The following DCDC1 variants were observed in gnomAD, a reference collection of about 807,000 sequenced individuals.
DCDC1 encodes doublecortin domain-containing protein 1.
DCDC1 carries 200 observed loss-of-function variants against 178.3 expected under a neutral mutation model. The ratio of observed to expected loss-of-function variants is 1.12; its 90% CI spans 1.00 to 1.26. The LOEUF (loss-of-function observed/expected upper bound fraction) is 1.26, where lower values mean the gene tolerates loss of function less well. Among genes scored for constraint, DCDC1 ranks in the 50% most tolerant of loss-of-function variants. The pLI is 0.00. For synonymous variants in DCDC1, 690 were observed against 604.8 expected (o/e 1.14, Z -2.07); for missense variants, 1,983 against 1,749.2 (o/e 1.13, Z -2.38).
At chr11:31,097,567 C>A (rs1235853890) in intron 15 of DCDC1, among the ~76,000 whole-genome samples, 2 of 152,128 alleles carry the variant, frequency 1.3e-5, no homozygotes, top group African/African-American at 4.8e-5. Flanking sequence ...TTATAGCTGA[C>A]CAGTCCACCT....
At chr11:31,059,896 A>G (rs1024043133) in intron 20 of DCDC1, among the ~76,000 whole-genome samples, 1 of 152,082 alleles carries the variant, frequency 6.6e-6, no homozygotes, top group African/African-American at 2.4e-5. Flanking sequence ...GGGTTTTTAC[A>G]ATTTATAATT....
Position 31,283,365 on chromosome 11 carries a change from G to GT in DCDC1, c.960+7281dup, listed in dbSNP as rs71060484. Among the ~76,000 whole-genome samples, 492 of 147,752 alleles carry GT rather than the reference G, an allele frequency of 3.3e-3. 8 individuals are homozygous for GT. The highest frequency in any genetic ancestry group is 0.011 in the African/African-American group (450 of 40,224). On this transcript the variant is annotated intron_variant, in intron 7 of 38. Transcript: ENST00000684477. ...ATATCTAACCTGCTGTTAAACCCAGGTTTTTTTTTTTGTTTTTTGTTTTTT... is the reference window on the plus strand; with the variant it reads ...ATATCTAACCTGCTGTTAAACCCAGGTTTTTTTTTTTTGTTTTTTGTTTTTT...
intron 6 of DCDC1, among the ~76,000 whole-genome samples, chr11:31,302,892 A>C (rs1467959187): frequency 6.6e-6 from 1 of 152,246 alleles, no homozygotes; most frequent in Non-Finnish European, 1.5e-5. Flanking sequence ...AAACCACTGA[A>C]GTATAGATAT....
At chr11:31,007,546 G>GGATGTCACTAAAGAGGAGAA (rs1951921204) in intron 20 of DCDC1, among the ~76,000 whole-genome samples, 1 of 152,168 alleles carries the variant, frequency 6.6e-6, no homozygotes, top group Non-Finnish European at 1.5e-5. Context: ...TAAGAGGTTA[G>GGATGTCACTAAAGAGGAGAA]GATGTCACTA....
intron 20 of DCDC1, among the ~76,000 whole-genome samples, chr11:31,020,871 C>T (rs1952829417): frequency 1.3e-5 from 2 of 152,144 alleles, no homozygotes; most frequent in South Asian, 4.1e-4. Flanking sequence ...TAACTCAAAT[C>T]ACAAAGGGGT....
chr11:30,888,672 G>A (rs78376505), intron 36 of DCDC1, among the ~76,000 whole-genome samples: 2,210 of 152,082 alleles, frequency 0.015, 54 homozygotes, highest in African/African-American at 0.051. Flanking sequence ...AGCTAAGATA[G>A]CGCCATTGCA....
intron 18 of DCDC1, among the ~76,000 whole-genome samples, chr11:31,072,079 AAT>A (rs1436121634): frequency 6.6e-6 from 1 of 152,214 alleles, no homozygotes; most frequent in Admixed American, 6.5e-5. Flanking sequence ...TGATACATAA[AAT>A]GAGTGTGTTA....
chr11:31,037,767 T>G (rs1954164068), intron 20 of DCDC1, among the ~76,000 whole-genome samples: 2 of 152,040 alleles, frequency 1.3e-5, no homozygotes, highest in Non-Finnish European at 2.9e-5. Flanking sequence ...CTGGCCTAAA[T>G]ATTTATTTCT....
At chr11:30,994,661 T>TTATATAA (rs1407459963) in intron 20 of DCDC1, among the ~76,000 whole-genome samples, 3 of 145,322 alleles carry the variant, frequency 2.1e-5, no homozygotes, top group South Asian at 4.2e-4. Context: ...TAACATATTA[T>TTATATAA]TATATAATAT....
chr11:31,085,247 G>A (rs1359519149), intron 17 of DCDC1, among the ~76,000 whole-genome samples: 4 of 151,328 alleles, frequency 2.6e-5, no homozygotes, highest in Non-Finnish European at 4.4e-5. Context: ...ATATTCAAAG[G>A]GTAAAATTTG....
Position 30,916,989 on chromosome 11 carries a change from A to G in DCDC1, c.3333T>C (p.Cys1111=), listed in dbSNP as rs1565071572. The stretch of plus-strand genomic sequence containing the variant: ...GCCAGGCATACCTGGGAAGTGTGTG[A>G]CAAGCCTTCATTCGAAGATGAGCTC... ...HVRAHLRMKA[C]HTLPRYAWQE... The change falls in exon 26 of 39, where the codon TGT becomes TGC. Residue 1111 remains cysteine (C), a synonymous_variant. Transcript: ENST00000684477. 6.2e-7 allele frequency: 1 copy of G among 1,609,928 alleles called. No homozygotes were observed. Among genetic ancestry groups the G allele is most frequent in the Non-Finnish European group, 8.5e-7 (1 of 1,178,122 alleles).
chr11:30,930,344 C>T (rs1041742311), intron 22 of DCDC1, among the ~76,000 whole-genome samples: 8 of 152,128 alleles, frequency 5.3e-5, no homozygotes, highest in African/African-American at 1.7e-4. Flanking sequence ...CCAGTACTTA[C>T]ATCCAGCTCT....
At chr11:31,351,113 T>C (rs1222385423) in intron 1 of DCDC1, among the ~76,000 whole-genome samples, 2 of 152,088 alleles carry the variant, frequency 1.3e-5, no homozygotes, top group East Asian at 1.9e-4. Flanking sequence ...TCTGATTTTT[T>C]ATAACAAGGA....
intron 3 of DCDC1, among the ~76,000 whole-genome samples, chr11:31,327,193 A>T (rs1235803604): frequency 6.6e-6 from 1 of 152,086 alleles, no homozygotes; most frequent in African/African-American, 2.4e-5. Flanking sequence ...TTTTAGACAG[A>T]GTTTCGCTCT....
chr11:31,337,049 T>A (rs1007334794), intron 1 of DCDC1, among the ~76,000 whole-genome samples: 1 of 152,200 alleles, frequency 6.6e-6, no homozygotes, highest in Non-Finnish European at 1.5e-5. Flanking sequence ...AACACCTAGT[T>A]TGTTCAAAAC....
intron 2 of DCDC1, among the ~76,000 whole-genome samples, chr11:31,328,527 A>ATG (rs1949769135): frequency 6.6e-6 from 1 of 152,164 alleles, no homozygotes; most frequent in Non-Finnish European, 1.5e-5. Flanking sequence ...GGCCGGGTTC[A>ATG]GTGGCTCACA....
At chr11:31,151,432 A>G (rs1480056099) in intron 9 of DCDC1, among the ~76,000 whole-genome samples, 2 of 152,172 alleles carry the variant, frequency 1.3e-5, no homozygotes, top group Admixed American at 6.5e-5. Context: ...TCATTTTGGA[A>G]GATTATACAA....
At chr11:30,964,358 G>C (rs1356075889) in intron 20 of DCDC1, among the ~76,000 whole-genome samples, 1 of 152,130 alleles carries the variant, frequency 6.6e-6, no homozygotes, top group Non-Finnish European at 1.5e-5. Context: ...TGCAGTTCTT[G>C]ACTAATTTAA....
At chr11:31,214,007 C>T (rs185583092) in intron 9 of DCDC1, among the ~76,000 whole-genome samples, 12 of 152,012 alleles carry the variant, frequency 7.9e-5, no homozygotes, top group Admixed American at 7.2e-4. Context: ...GGGGGACTTC[C>T]ATTTTATAAT....
Sources: allele counts gnomAD v4.1 joint callset (sites outside exome capture counted in the v4.1 genomes callset), GRCh38; gene constraint gnomAD v4.1.1; transcripts MANE v1.5; gene names NCBI Gene and HGNC (gene_info 2026-07-23, HGNC 2026-07-21).